HNRNPC: variants seen among roughly 807,000 people sequenced by gnomAD.
HNRNPC encodes heterogeneous nuclear ribonucleoprotein C, also known as heterogeneous nuclear ribonucleoproteins C1/C2.
HNRNPC carries 3 observed loss-of-function variants against 33.2 expected under a neutral mutation model. The ratio of observed to expected loss-of-function variants is 0.09; its 90% CI spans 0.04 to 0.23. HNRNPC has a LOEUF of 0.23. Among genes scored for constraint, HNRNPC ranks in the 10% least tolerant of loss-of-function variants. HNRNPC has a pLI of 1.00. For missense variants in HNRNPC, 143 were observed against 366.7 expected (o/e 0.39, Z 4.98); for synonymous variants, 121 against 126.7 (o/e 0.96, Z 0.30).
rs1448779832 is a variant in HNRNPC at position 21,230,452 on chromosome 14, A to G, written c.318-86T>C. 3 of 878,312 alleles carry G rather than the reference A, an allele frequency of 3.4e-6. No homozygotes were observed. In the East Asian group the frequency reaches 7.7e-5, roughly 23 times the overall value. 54.4% of individuals were successfully genotyped at this position (878,312 alleles called of 1,614,324 possible). On this transcript the variant is annotated intron_variant, in intron 4 of 8. Transcript: ENST00000553300. ...GGTGAGGGGAGAACCATGCCAAATA[A>G]ACCACAACAAATAGATCAACAAGAT...
intron 2 of HNRNPC, among the ~76,000 whole-genome samples, chr14:21,248,727 TAC>T (rs995724782): frequency 2.4e-4 from 36 of 152,326 alleles, no homozygotes; most frequent in East Asian, 1.3e-3. Context: ...CATTTTTAAT[TAC>T]AGTGTCTACT....
chr14:21,244,696 T>A (rs1245618021), intron 2 of HNRNPC, among the ~76,000 whole-genome samples: 10 of 152,218 alleles, frequency 6.6e-5, no homozygotes. Context: ...ACTGTGTTAA[T>A]GTCGTAAGAG....
intron 5 of HNRNPC, among the ~76,000 whole-genome samples, chr14:21,222,372 G>GTAAGTTCCCATCATGTGGACACCTCCTAA (rs1566603459): frequency 1.3e-5 from 2 of 152,052 alleles, no homozygotes; most frequent in African/African-American, 4.8e-5. Flanking sequence ...CTCCATGGCA[G>GTAAGTTCCCATCATGTGGACACCTCCTAA]AATTTGTTTT....
chr14:21,209,616 T>A lies in HNRNPC; in HGVS notation c.*1607A>T, dbSNP rs1034861763. ...TCATACTTCAGCCTCTTCATTCTTT[T>A]CTGCTTTTGTCACCTGTTACAGAAA... is the stretch of plus-strand genomic sequence containing the variant. On this transcript the variant is annotated 3_prime_UTR_variant, in exon 9 of 9. Transcript: ENST00000553300. 1 of 152,232 alleles carries A rather than the reference T, an allele frequency of 6.6e-6. No individual in the cohort carries two copies. The highest frequency in any genetic ancestry group is 1.5e-5 in the Non-Finnish European group (1 of 68,038). The allele number at this position is 152,232 out of a possible 1,614,324, so 9.4% of individuals were successfully genotyped here. A position where few individuals can be genotyped will look rare whatever the true frequency, so the allele number is the denominator to read the frequency against.
chr14:21,210,264 C>G lies in HNRNPC; in HGVS notation c.*959G>C, dbSNP rs1891468633. Reference sequence around the variant, plus strand: ...ACACAAACCTCAGAAAGGGTGCCAGCTGGACCACAAAGCACTGATGAAAAG... The same window carrying G: ...ACACAAACCTCAGAAAGGGTGCCAGGTGGACCACAAAGCACTGATGAAAAG... On this transcript the variant is annotated 3_prime_UTR_variant, in exon 9 of 9. Transcript: ENST00000553300. 6.6e-6 allele frequency: 1 copy of G among 152,160 alleles called. No individual in the cohort carries two copies. The highest frequency in any genetic ancestry group is 2.1e-4 in the South Asian group (1 of 4,828). The allele number at this position is 152,160 out of a possible 1,614,324, so 9.4% of individuals were successfully genotyped here. A position where few individuals can be genotyped will look rare whatever the true frequency, so the allele number is the denominator to read the frequency against.
chr14:21,257,184 G>A (rs1877365409), intron 2 of HNRNPC, among the ~76,000 whole-genome samples: 1 of 152,110 alleles, frequency 6.6e-6, no homozygotes, highest in Non-Finnish European at 1.5e-5. Context: ...TATGACATTC[G>A]AAAGAAAAGT....
At chr14:21,268,072 G>A (rs972932514) in intron 1 of HNRNPC, among the ~76,000 whole-genome samples, 3 of 152,236 alleles carry the variant, frequency 2.0e-5, no homozygotes, top group African/African-American at 7.2e-5. Context: ...TAGTTTTTGT[G>A]AGATTAACAG....
chr14:21,265,782 A>T (rs547156834), intron 1 of HNRNPC, among the ~76,000 whole-genome samples: 1 of 152,218 alleles, frequency 6.6e-6, no homozygotes, highest in South Asian at 2.1e-4. Context: ...TCAAAGAAAA[A>T]AAGTATCCTT....
chr14:21,246,613 T>C (rs1052301402), intron 2 of HNRNPC, among the ~76,000 whole-genome samples: 5 of 151,310 alleles, frequency 3.3e-5, no homozygotes, highest in Admixed American at 3.3e-4. Context: ...AGTCTGCCAA[T>C]TTCCCTTTAA....
At chr14:21,267,038 C>A (rs1879104531) in intron 1 of HNRNPC, among the ~76,000 whole-genome samples, 1 of 137,308 alleles carries the variant, frequency 7.3e-6, no homozygotes, top group Non-Finnish European at 1.5e-5. Flanking sequence ...TTGCAGTGAA[C>A]CGAGATTGTG....
chr14:21,229,882 G>C (rs1443591750), intron 5 of HNRNPC, among the ~76,000 whole-genome samples: 1 of 152,194 alleles, frequency 6.6e-6, no homozygotes, highest in Non-Finnish European at 1.5e-5. Flanking sequence ...TACTGCATGA[G>C]TTTGAACGCG....
intron 5 of HNRNPC, among the ~76,000 whole-genome samples, chr14:21,220,238 G>GTT (rs72295427): frequency 0.17 from 23,082 of 139,690 alleles, 2,402 homozygotes; most frequent in South Asian, 0.24. Flanking sequence ...TCTATTTCTG[G>GTT]TTTTTTTTTT....
At chr14:21,261,485 GTT>G (rs1009772784) in intron 2 of HNRNPC, among the ~76,000 whole-genome samples, 3 of 152,084 alleles carry the variant, frequency 2.0e-5, no homozygotes, top group Non-Finnish European at 4.4e-5. Flanking sequence ...CTCCCATTCT[GTT>G]TTGAGTGTAC....
intron 5 of HNRNPC, among the ~76,000 whole-genome samples, chr14:21,218,070 T>C (rs1031161185): frequency 2.6e-5 from 4 of 152,158 alleles, no homozygotes; most frequent in African/African-American, 9.7e-5. Flanking sequence ...TTTTCTTGTT[T>C]ATATGCCTCA....
chr14:21,223,704 C>T (rs1223153282), intron 5 of HNRNPC, among the ~76,000 whole-genome samples: 1 of 151,794 alleles, frequency 6.6e-6, no homozygotes, highest in Non-Finnish European at 1.5e-5. Flanking sequence ...AGCAGTGATG[C>T]GCCACTGCAC....
intron 1 of HNRNPC, among the ~76,000 whole-genome samples, chr14:21,265,702 C>T (rs11621973): frequency 0.015 from 2,220 of 152,190 alleles, 27 homozygotes; most frequent in Non-Finnish European, 0.023. Context: ...CCCTTGAGCC[C>T]GGGAGGCAGA....
chr14:21,229,898 CCAAATAAGT>C (rs1405577712), intron 5 of HNRNPC, among the ~76,000 whole-genome samples: 1 of 152,162 alleles, frequency 6.6e-6, no homozygotes, highest in Non-Finnish European at 1.5e-5. Context: ...ACGCGACAAG[CCAAATAAGT>C]CTTAACATTT....
chr14:21,267,888 C>T (rs1305145287), intron 1 of HNRNPC, among the ~76,000 whole-genome samples: 1 of 152,160 alleles, frequency 6.6e-6, no homozygotes, highest in Admixed American at 6.5e-5. Flanking sequence ...TCATTTCTAA[C>T]AGTTCAGCAC....
intron 4 of HNRNPC, 134 bp from the exon 5 acceptor site, chr14:21,230,500 A>G (rs888994495): frequency 2.0e-5 from 13 of 650,616 alleles, no homozygotes; most frequent in Admixed American, 7.7e-5. Flanking sequence ...ATCCCCAATC[A>G]TTCATACAAT....
Sources: allele counts gnomAD v4.1 joint callset (sites outside exome capture counted in the v4.1 genomes callset), GRCh38; gene constraint gnomAD v4.1.1; transcripts MANE v1.5; gene names NCBI Gene and HGNC (gene_info 2026-07-23, HGNC 2026-07-21).